Variants in SYT1 observed in about 807,000 individuals in gnomAD.
SYT1 encodes synaptotagmin 1.
Under a neutral mutation model 44.8 loss-of-function variants are expected in SYT1, and 8 were observed. The ratio of observed to expected loss-of-function variants is 0.18; its 90% confidence interval spans 0.10 to 0.32. SYT1 has a LOEUF of 0.32. Among genes scored for constraint, SYT1 ranks in the 10% least tolerant of loss-of-function variants. The pLI is 1.00. For synonymous variants in SYT1, 154 were observed against 188.8 expected, an observed-to-expected ratio of 0.82 and a Z score of 1.51; for missense variants, 286 against 509.3, an observed-to-expected ratio of 0.56 and a Z score of 4.22.
intron 4 of SYT1, among the ~76,000 whole-genome samples, chr12:79,219,214 TTC>T (rs1227836661): frequency 1.3e-5 from 2 of 152,082 alleles, no homozygotes; most frequent in Non-Finnish European, 1.5e-5. Flanking sequence ...TTTATTTGTT[TTC>T]TTGCTGTTTG....
chr12:79,180,348 C>T (rs1872449709), intron 3 of SYT1, among the ~76,000 whole-genome samples: 1 of 152,064 alleles, frequency 6.6e-6, no homozygotes, highest in Admixed American at 6.6e-5. Context: ...GAATATGCCA[C>T]TGCAGAAGCA....
At chr12:79,117,748 A>G (rs547155876) in intron 3 of SYT1, among the ~76,000 whole-genome samples, 2 of 138,058 alleles carry the variant, frequency 1.4e-5, no homozygotes, top group Non-Finnish European at 3.1e-5. Context: ...AGATTTTCAA[A>G]CCAATCATTA....
At chr12:78,997,573 GA>G (rs1349307517) in intron 2 of SYT1, among the ~76,000 whole-genome samples, 1 of 152,018 alleles carries the variant, frequency 6.6e-6, no homozygotes, top group African/African-American at 2.4e-5. Context: ...ACTTGAGGAG[GA>G]GCATGCACTG....
chr12:79,405,992 G>T (rs953432691), intron 9 of SYT1, among the ~76,000 whole-genome samples: 1 of 152,080 alleles, frequency 6.6e-6, no homozygotes, highest in African/African-American at 2.4e-5. Flanking sequence ...AATGGGACAA[G>T]ATCATCATGG....
chr12:79,018,439 A>C (rs1189399129), intron 2 of SYT1, among the ~76,000 whole-genome samples: 1 of 152,028 alleles, frequency 6.6e-6, no homozygotes, highest in Admixed American at 6.6e-5. Flanking sequence ...ACATGTATAC[A>C]TATGTAACAA....
chr12:79,043,089 A>G (rs1873719295), intron 2 of SYT1, among the ~76,000 whole-genome samples: 1 of 150,060 alleles, frequency 6.7e-6, no homozygotes, highest in South Asian at 2.1e-4. Flanking sequence ...GTGCTGAAAA[A>G]AATGTATATT....
At chr12:78,994,977 C>A (rs189908818) in intron 2 of SYT1, among the ~76,000 whole-genome samples, 2 of 152,242 alleles carry the variant, frequency 1.3e-5, no homozygotes, top group East Asian at 3.9e-4. Context: ...GCTCCCCAGT[C>A]TATATGCTGA....
At chr12:79,005,272 T>C (rs1377907843) in intron 2 of SYT1, among the ~76,000 whole-genome samples, 3 of 152,022 alleles carry the variant, frequency 2.0e-5, no homozygotes, top group Non-Finnish European at 4.4e-5. Context: ...TTTTTCATGA[T>C]AATATTTTAT....
At chr12:79,136,848 C>G (rs1160542673) in intron 3 of SYT1, among the ~76,000 whole-genome samples, 1 of 152,100 alleles carries the variant, frequency 6.6e-6, no homozygotes, top group East Asian at 1.9e-4. Context: ...TATGGCCTTA[C>G]TTGCATATTA....
intron 3 of SYT1, among the ~76,000 whole-genome samples, chr12:79,163,492 G>T (rs1871070811): frequency 6.6e-6 from 1 of 152,052 alleles, no homozygotes; most frequent in Non-Finnish European, 1.5e-5. Context: ...CTTTATGTAA[G>T]TCGTCTCCTA....
chr12:79,217,058 CAT>C (rs570746770), intron 3 of SYT1, among the ~76,000 whole-genome samples: 12 of 152,108 alleles, frequency 7.9e-5, no homozygotes, highest in Admixed American at 2.6e-4. Context: ...ATTTTGAGTA[CAT>C]GTTATCATTT....
chr12:79,005,144 A>G (rs1488093286), intron 2 of SYT1, among the ~76,000 whole-genome samples: 1 of 152,026 alleles, frequency 6.6e-6, no homozygotes, highest in Non-Finnish European at 1.5e-5. Flanking sequence ...CTATATGTGA[A>G]GTCAGCGGAG....
chr12:79,423,221 GTT>G (rs1425162582), intron 9 of SYT1, among the ~76,000 whole-genome samples: 1 of 152,070 alleles, frequency 6.6e-6, no homozygotes, highest in Non-Finnish European at 1.5e-5. Context: ...TGCATGCTTT[GTT>G]TTGTTTTAAT....
intron 3 of SYT1, among the ~76,000 whole-genome samples, chr12:79,210,151 G>T (rs1874354046): frequency 6.6e-6 from 1 of 152,094 alleles, no homozygotes; most frequent in Non-Finnish European, 1.5e-5. Flanking sequence ...CTACTAAGAA[G>T]AATAATTTCT....
intron 3 of SYT1, among the ~76,000 whole-genome samples, chr12:79,141,975 A>G (rs573896431): frequency 6.6e-6 from 1 of 152,348 alleles, no homozygotes; most frequent in East Asian, 1.9e-4. Context: ...GAGATGCAGA[A>G]TTAGCATATT....
intron 3 of SYT1, among the ~76,000 whole-genome samples, chr12:79,139,571 C>G (rs551184058): frequency 1.6e-4 from 25 of 152,130 alleles, no homozygotes; most frequent in Non-Finnish European, 3.4e-4. Flanking sequence ...AAATCCTCAT[C>G]ATGTGTAGGT....
intron 2 of SYT1, among the ~76,000 whole-genome samples, chr12:79,007,370 T>C (rs1871158995): frequency 6.6e-6 from 1 of 152,126 alleles, no homozygotes; most frequent in South Asian, 2.1e-4. Context: ...ACATTAGTCA[T>C]TGAGCACATG....
At chr12:79,013,337 G>T (rs1244035120) in intron 2 of SYT1, among the ~76,000 whole-genome samples, 1 of 152,060 alleles carries the variant, frequency 6.6e-6, no homozygotes, top group Non-Finnish European at 1.5e-5. Flanking sequence ...AGAGCATCAG[G>T]TCTATGATTT....
intron 9 of SYT1, among the ~76,000 whole-genome samples, chr12:79,434,075 TTTTCA>T: frequency 6.6e-6 from 1 of 152,362 alleles, no homozygotes; most frequent in Admixed American, 6.5e-5. Flanking sequence ...AGAAAAATGC[TTTTCA>T]TTTAATTCAT....
Sources: allele counts gnomAD v4.1 joint callset (sites outside exome capture counted in the v4.1 genomes callset), GRCh38; gene constraint gnomAD v4.1.1; transcripts MANE v1.5; gene names NCBI Gene and HGNC (gene_info 2026-07-23, HGNC 2026-07-21).